The following VRK2 variants were observed in gnomAD, a reference collection of about 807,000 sequenced individuals.
VRK2 encodes serine/threonine-protein kinase VRK2.
VRK2 carries 60 observed loss-of-function variants against 57.6 expected under a neutral mutation model. That is an observed-to-expected ratio of 1.04 (90% CI 0.85 to 1.29). The LOEUF (loss-of-function observed/expected upper bound fraction) is 1.29. VRK2 is among the 50% of genes most tolerant of loss of function. The pLI is 0.00. For missense variants in VRK2, 705 were observed against 588.1 expected (o/e 1.20, Z -2.06); for synonymous variants, 231 against 199.2 (o/e 1.16, Z -1.35).
intron 1 of VRK2, among the ~76,000 whole-genome samples, chr2:57,942,682 T>C (rs186906217): frequency 1.9e-4 from 29 of 152,326 alleles, no homozygotes; most frequent in Admixed American, 1.3e-3. Flanking sequence ...TGTTCGATGA[T>C]ACAAAATATT....
At chr2:57,961,528 G>A (rs1192255979) in intron 1 of VRK2, among the ~76,000 whole-genome samples, 2 of 152,090 alleles carry the variant, frequency 1.3e-5, no homozygotes, top group Non-Finnish European at 2.9e-5. Context: ...AAGACTAACT[G>A]CATGCTACTA....
chr2:58,030,035 C>T (rs1674065171), intron 2 of VRK2, among the ~76,000 whole-genome samples: 1 of 152,066 alleles, frequency 6.6e-6, no homozygotes, highest in Non-Finnish European at 1.5e-5. Flanking sequence ...GCCTCAGAGT[C>T]AGTTTTTTGG....
At chr2:58,114,095 G>T (rs1001176805) in intron 7 of VRK2, among the ~76,000 whole-genome samples, 2 of 152,020 alleles carry the variant, frequency 1.3e-5, no homozygotes, top group Non-Finnish European at 2.9e-5. Context: ...CATATAGAAT[G>T]ATTGGTGATG....
At chr2:57,925,869 A>G (rs1670514577) in intron 1 of VRK2, among the ~76,000 whole-genome samples, 1 of 151,906 alleles carries the variant, frequency 6.6e-6, no homozygotes, top group Admixed American at 6.6e-5. Flanking sequence ...GTGTATAGCT[A>G]TAAACTTTCC....
At chr2:57,997,421 C>T (rs1325621670) in intron 1 of VRK2, among the ~76,000 whole-genome samples, 2 of 151,986 alleles carry the variant, frequency 1.3e-5, no homozygotes, top group Non-Finnish European at 2.9e-5. Context: ...CAATAAGAAA[C>T]ACAGGGAAAC....
At chr2:58,081,833 G>A (rs1670912164) in intron 2 of VRK2, among the ~76,000 whole-genome samples, 2 of 148,952 alleles carry the variant, frequency 1.3e-5, no homozygotes, top group Non-Finnish European at 3.0e-5. Context: ...TTCTCCACCA[G>A]ACAGCAAAAG....
At chr2:58,156,923 T>G (rs1050222772) in intron 12 of VRK2, among the ~76,000 whole-genome samples, 1 of 152,196 alleles carries the variant, frequency 6.6e-6, no homozygotes, top group Non-Finnish European at 1.5e-5. Flanking sequence ...ATACTGAACA[T>G]TGTGGATGCT....
intron 1 of VRK2, among the ~76,000 whole-genome samples, chr2:57,968,202 A>T (rs944443328): frequency 1.6e-4 from 25 of 152,050 alleles, no homozygotes; most frequent in African/African-American, 6.0e-4. Context: ...TAAAAAAATT[A>T]CCTTTAGTAT....
At position 58,048,885 on chromosome 2, in the gene VRK2, C is replaced by T. The variant is rs751207780; in HGVS notation, c.54C>T (p.Gly18=). ...KYKLPIPFPE[G]KVLDDMEGNQ... ...AACTTCCTATTCCATTTCCAGAAGGCAAGGTTCTGGATGATATGGAAGGCA... is the reference window on the plus strand; with the variant it reads ...AACTTCCTATTCCATTTCCAGAAGGTAAGGTTCTGGATGATATGGAAGGCA... Residue 18 remains glycine (G), a synonymous_variant, in exon 2 of 13, where the codon GGC becomes GGT. Transcript: ENST00000340157. 1 of 1,613,902 alleles carries T rather than the reference C, an allele frequency of 6.2e-7. No individual in the cohort carries two copies. Among genetic ancestry groups the T allele is most frequent in the East Asian group, 2.2e-5 (1 of 44,848 alleles).
chr2:58,069,883 G>A (rs988284684), intron 2 of VRK2, among the ~76,000 whole-genome samples: 7 of 152,220 alleles, frequency 4.6e-5, no homozygotes, highest in South Asian at 2.1e-4. Flanking sequence ...AGTTCTGACC[G>A]AAGGATACCA....
intron 9 of VRK2, among the ~76,000 whole-genome samples, chr2:58,133,115 T>G (rs1679455066): frequency 1.3e-5 from 2 of 152,240 alleles, no homozygotes; most frequent in South Asian, 2.1e-4. Flanking sequence ...ATTCTAATGA[T>G]TATATATTTG....
chr2:57,986,670 C>G (rs536471247), intron 1 of VRK2, among the ~76,000 whole-genome samples: 1 of 142,180 alleles, frequency 7.0e-6, no homozygotes, highest in South Asian at 2.3e-4. Flanking sequence ...ACGATCTCAA[C>G]TCACTGCAAC....
At chr2:58,039,331 C>A (rs185989783) in intron 3 of VRK2, among the ~76,000 whole-genome samples, 5 of 152,174 alleles carry the variant, frequency 3.3e-5, no homozygotes, top group East Asian at 1.9e-4. Context: ...TAAAAATGCT[C>A]TTTTTCTTTC....
At chr2:57,964,879 C>CA (rs540446220) in intron 1 of VRK2, among the ~76,000 whole-genome samples, 1,195 of 47,860 alleles carry the variant, frequency 0.025, 205 homozygotes, top group African/African-American at 0.056. Context: ...GAATCCATCT[C>CA]AAAAAAAAAA....
At chr2:58,098,384 A>G (rs963114521) in intron 7 of VRK2, among the ~76,000 whole-genome samples, 39 of 152,128 alleles carry the variant, frequency 2.6e-4, no homozygotes, top group African/African-American at 8.7e-4. Context: ...GTAATGTCCT[A>G]GGCCTTCACA....
At chr2:57,933,915 G>C (rs1284105463) in intron 1 of VRK2, among the ~76,000 whole-genome samples, 1 of 151,926 alleles carries the variant, frequency 6.6e-6, no homozygotes, top group African/African-American at 2.4e-5. Context: ...AGTGGTGTTT[G>C]TTTGTTTGTT....
intron 1 of VRK2, among the ~76,000 whole-genome samples, chr2:57,934,789 A>T (rs1425219263): frequency 6.7e-6 from 1 of 149,858 alleles, no homozygotes; most frequent in East Asian, 2.0e-4. Flanking sequence ...TCTCCTCTGT[A>T]TTTATAATTT....
chr2:58,146,461 A>G lies in VRK2; in HGVS notation c.1169A>G (p.Asn390Ser), dbSNP rs776572424. 18 of 1,610,014 alleles carry G rather than the reference A, an allele frequency of 1.1e-5. No individual in the cohort carries two copies. Among genetic ancestry groups the G allele is most frequent in the South Asian group, 3.3e-5 (3 of 90,804 alleles). Residue 390 changes from asparagine to serine, a missense_variant, in exon 12 of 13, where the codon AAT (asparagine) becomes AGT (serine). Physicochemically the swap from Asn to Ser is conservative, Grantham distance 46. Transcript: ENST00000340157. ...GAGAAACTGATTGGATTGATGAACA[A>G]TGAAGCAGCTCAGGTGAGAGGGTTG... ...KEEKLIGLMN[N>S]EAAQESTRRR...
chr2:58,039,913 TTTA>T (rs1440180568), intron 3 of VRK2, among the ~76,000 whole-genome samples: 1 of 150,990 alleles, frequency 6.6e-6, no homozygotes, highest in Non-Finnish European at 1.5e-5. Flanking sequence ...ATTTTTTATT[TTTA>T]TTTTTATTTT....
Sources: gnomAD v4.1 joint callset for allele counts (sites outside exome capture counted in the v4.1 genomes callset) on GRCh38, gnomAD v4.1.1 for gene constraint, MANE v1.5 for transcripts, NCBI Gene and HGNC (gene_info 2026-07-23, HGNC 2026-07-21) for gene names.